Variants in NDFIP2 observed in about 807,000 individuals in gnomAD.
The protein encoded by NDFIP2 is Nedd4 family interacting protein 2, also known as NEDD4 family-interacting protein 2.
In NDFIP2, 19 loss-of-function variants were observed where a neutral mutation model predicts 36.0. The observed-to-expected ratio is 0.53, with a 90% confidence interval of 0.37 to 0.77. The LOEUF is 0.77. Among genes scored for constraint, NDFIP2 ranks in the 30% least tolerant of loss-of-function variants. The pLI is 0.00. For synonymous variants in NDFIP2, 181 were observed against 167.7 expected, an observed-to-expected ratio of 1.08 and a Z score of -0.61; for missense variants, 446 against 435.8, an observed-to-expected ratio of 1.02 and a Z score of -0.21.
At chr13:79,536,619 ATAGT>A (rs1875253163) in intron 3 of NDFIP2, among the ~76,000 whole-genome samples, 1 of 152,140 alleles carries the variant, frequency 6.6e-6, no homozygotes. Context: ...CTGTTACTTA[ATAGT>A]TAAATTCCCT....
At chr13:79,505,724 A>C (rs2140749254) in intron 1 of NDFIP2, among the ~76,000 whole-genome samples, 1 of 152,196 alleles carries the variant, frequency 6.6e-6, no homozygotes, top group South Asian at 2.1e-4. Context: ...AAATGAATAT[A>C]CAGTGTGGCT....
chr13:79,515,003 G>C (rs73551590), intron 1 of NDFIP2, among the ~76,000 whole-genome samples: 2,478 of 152,268 alleles, frequency 0.016, 71 homozygotes, highest in African/African-American at 0.057. Flanking sequence ...TATGCTCTGA[G>C]AATGCAATAG....
chr13:79,543,531 T>G, intron 4 of NDFIP2, 27 bp from the exon 5 acceptor site: 1 of 1,612,662 alleles, frequency 6.2e-7, no homozygotes, highest in Non-Finnish European at 8.5e-7. Flanking sequence ...TTGTGGTTTA[T>G]AAAAGAACGG....
At chr13:79,551,926 A>T (rs919476375) in intron 7 of NDFIP2, among the ~76,000 whole-genome samples, 1 of 151,384 alleles carries the variant, frequency 6.6e-6, no homozygotes, top group Admixed American at 6.6e-5. Flanking sequence ...CTAGTACTTA[A>T]CTTCTGAATG....
chr13:79,533,019 C>G (rs1875076741), intron 2 of NDFIP2, among the ~76,000 whole-genome samples: 1 of 152,114 alleles, frequency 6.6e-6, no homozygotes, highest in Non-Finnish European at 1.5e-5. Context: ...AGAGAATACT[C>G]ATATATTATG....
intron 2 of NDFIP2, among the ~76,000 whole-genome samples, chr13:79,530,238 C>T (rs1046203758): frequency 6.6e-6 from 1 of 152,074 alleles, no homozygotes; most frequent in Admixed American, 6.6e-5. Context: ...ACGCTCCTGC[C>T]TCAGCCTCCT....
At chr13:79,511,562 A>G (rs7329123) in intron 1 of NDFIP2, among the ~76,000 whole-genome samples, 1,722 of 152,308 alleles carry the variant, frequency 0.011, 35 homozygotes, top group African/African-American at 0.04. Context: ...TGTGGGAATC[A>G]TAGAAATCTG....
rs966576462 is a variant in NDFIP2 at position 79,536,867 on chromosome 13, GAAA to G, written c.622-2806_622-2804del. Among the ~76,000 whole-genome samples, 626 of 144,616 alleles carry G rather than the reference GAAA, an allele frequency of 4.3e-3. 6 individuals carry two copies. Among genetic ancestry groups the G allele is most frequent in the African/African-American group, 0.015 (602 of 39,640 alleles). 94.9% of individuals were successfully genotyped at this position (144,616 alleles called of 152,430 possible). On this transcript the variant is annotated intron_variant, in intron 3 of 7. Transcript: ENST00000218652. ...AGCGAGACCTTATTTCCACTAAAAA[GAAA>G]AAAAAAAATCAGCTAGGTGTGGTGG... is the stretch of plus-strand genomic sequence containing the variant.
chr13:79,514,547 T>G (rs1874201544), intron 1 of NDFIP2, among the ~76,000 whole-genome samples: 1 of 152,202 alleles, frequency 6.6e-6, no homozygotes, highest in Non-Finnish European at 1.5e-5. Context: ...AGTTCTAATC[T>G]ACATTTGGGA....
chr13:79,498,865 A>G (rs1435649800), intron 1 of NDFIP2, among the ~76,000 whole-genome samples: 1 of 151,920 alleles, frequency 6.6e-6, no homozygotes, highest in African/African-American at 2.4e-5. Flanking sequence ...AAATTATTTC[A>G]ATTCGCTACA....
chr13:79,506,420 T>A (rs915070116), intron 1 of NDFIP2, among the ~76,000 whole-genome samples: 1 of 152,166 alleles, frequency 6.6e-6, no homozygotes, highest in African/African-American at 2.4e-5. Context: ...GGCTATATAA[T>A]ATTTTATTGT....
At chr13:79,514,028 G>GA in intron 1 of NDFIP2, among the ~76,000 whole-genome samples, 1 of 152,272 alleles carries the variant, frequency 6.6e-6, no homozygotes, top group Non-Finnish European at 1.5e-5. Context: ...TTTAACACAT[G>GA]AAAAGGAATT....
chr13:79,542,030 G>A (rs1437052010), intron 4 of NDFIP2, among the ~76,000 whole-genome samples: 1 of 152,124 alleles, frequency 6.6e-6, no homozygotes, highest in Non-Finnish European at 1.5e-5. Flanking sequence ...TGCCTAATGT[G>A]CATATCTCTG....
intron 5 of NDFIP2, among the ~76,000 whole-genome samples, chr13:79,547,104 T>C (rs1256245662): frequency 6.6e-6 from 1 of 152,018 alleles, no homozygotes; most frequent in Non-Finnish European, 1.5e-5. Context: ...GAAATTACTA[T>C]AAATGGTTTA....
chr13:79,507,191 T>C (rs1378315828), intron 1 of NDFIP2, among the ~76,000 whole-genome samples: 1 of 151,534 alleles, frequency 6.6e-6, no homozygotes, highest in Non-Finnish European at 1.5e-5. Context: ...CTTAGTTCTA[T>C]ATTTAAATGG....
intron 1 of NDFIP2, among the ~76,000 whole-genome samples, chr13:79,501,059 C>T (rs2140744375): frequency 6.6e-6 from 1 of 152,018 alleles, no homozygotes; most frequent in South Asian, 2.1e-4. Context: ...TGAAAGAAGC[C>T]AGTCTGAAAA....
chr13:79,496,913 CT>C (rs1873455221), intron 1 of NDFIP2, among the ~76,000 whole-genome samples: 1 of 151,820 alleles, frequency 6.6e-6, no homozygotes, highest in South Asian at 2.1e-4. Context: ...GATTCCCTGT[CT>C]TTTAATTGAT....
chr13:79,513,594 G>A (rs1442035295), intron 1 of NDFIP2, among the ~76,000 whole-genome samples: 2 of 152,152 alleles, frequency 1.3e-5, no homozygotes, highest in Non-Finnish European at 2.9e-5. Flanking sequence ...GAGAGGGTGA[G>A]TGGAGCCCAG....
At chr13:79,497,164 C>G (rs765683076) in intron 1 of NDFIP2, among the ~76,000 whole-genome samples, 1 of 151,912 alleles carries the variant, frequency 6.6e-6, no homozygotes, top group Non-Finnish European at 1.5e-5. Context: ...CAATCAACTC[C>G]CATAGATTCA....
Sources: gnomAD v4.1 joint callset for allele counts (sites outside exome capture counted in the v4.1 genomes callset) on GRCh38, gnomAD v4.1.1 for gene constraint, MANE v1.5 for transcripts, NCBI Gene and HGNC (gene_info 2026-07-23, HGNC 2026-07-21) for gene names.